The following TBC1D22A variants were observed in gnomAD, a reference collection of about 807,000 sequenced individuals.
TBC1D22A encodes the protein putative GTPase activator.
TBC1D22A carries 38 observed loss-of-function variants against 60.2 expected under a neutral mutation model. That is an observed-to-expected ratio of 0.63 (90% CI 0.49 to 0.83). TBC1D22A has a LOEUF of 0.83. Ranked by LOEUF, TBC1D22A falls within the 40% of genes least tolerant of loss-of-function variation. TBC1D22A has a pLI of 0.00. For missense variants in TBC1D22A, 628 were observed against 701.0 expected (o/e 0.90, Z 1.18); for synonymous variants, 302 against 281.7 (o/e 1.07, Z -0.72).
intron 5 of TBC1D22A, among the ~76,000 whole-genome samples, chr22:46,889,584 G>A (rs543825722): frequency 6.6e-6 from 1 of 152,250 alleles, no homozygotes; most frequent in African/African-American, 2.4e-5. Context: ...ACCCCAAACC[G>A]GAAACAACCG....
At chr22:47,014,444 C>A (rs146044088) in intron 10 of TBC1D22A, among the ~76,000 whole-genome samples, 1 of 152,152 alleles carries the variant, frequency 6.6e-6, no homozygotes. Flanking sequence ...CTGGACATGC[C>A]GTGAGTGTGC....
chr22:46,816,923 A>G (rs2085626460), intron 4 of TBC1D22A, among the ~76,000 whole-genome samples: 1 of 152,182 alleles, frequency 6.6e-6, no homozygotes, highest in South Asian at 2.1e-4. Context: ...TTCCCTAATT[A>G]TCAGATCTTA....
At chr22:46,905,725 T>C (rs1444993375) in intron 7 of TBC1D22A, among the ~76,000 whole-genome samples, 2 of 152,196 alleles carry the variant, frequency 1.3e-5, no homozygotes, top group African/African-American at 2.4e-5. Context: ...GTCCTGAACC[T>C]AGGGGCCAAG....
chr22:47,143,042 G>T (rs930690420), intron 12 of TBC1D22A, among the ~76,000 whole-genome samples: 2 of 151,966 alleles, frequency 1.3e-5, no homozygotes. Flanking sequence ...TGACTGCCTG[G>T]TGGAGACATT....
intron 4 of TBC1D22A, among the ~76,000 whole-genome samples, chr22:46,839,134 C>T (rs2086642952): frequency 6.6e-6 from 1 of 152,172 alleles, no homozygotes. Context: ...AACTAATATA[C>T]AAATTCAGTG....
intron 11 of TBC1D22A, among the ~76,000 whole-genome samples, chr22:47,088,049 G>T (rs2064771393): frequency 6.6e-6 from 1 of 150,888 alleles, no homozygotes; most frequent in African/African-American, 2.4e-5. Flanking sequence ...CTCCAGCCTG[G>T]GCAACAGAGC....
At chr22:46,857,770 G>A (rs891887794) in intron 4 of TBC1D22A, among the ~76,000 whole-genome samples, 5 of 151,840 alleles carry the variant, frequency 3.3e-5, no homozygotes, top group African/African-American at 7.3e-5. Context: ...CCGTTCCCTC[G>A]CATGGTGCTG....
intron 1 of TBC1D22A, among the ~76,000 whole-genome samples, chr22:46,769,787 A>G (rs929027788): frequency 1.3e-5 from 2 of 152,126 alleles, no homozygotes; most frequent in Non-Finnish European, 2.9e-5. Context: ...TCATCCTTGA[A>G]GAGAGGGCGA....
At chr22:46,834,166 G>A (rs2086422512) in intron 4 of TBC1D22A, among the ~76,000 whole-genome samples, 1 of 152,156 alleles carries the variant, frequency 6.6e-6, no homozygotes, top group Non-Finnish European at 1.5e-5. Flanking sequence ...AGACTGCTGG[G>A]TTGACTAAAA....
At chr22:47,159,693 A>T (rs747040223) in intron 12 of TBC1D22A, among the ~76,000 whole-genome samples, 2 of 151,892 alleles carry the variant, frequency 1.3e-5, no homozygotes, top group Non-Finnish European at 2.9e-5. Context: ...GCCATGCACC[A>T]CACACCACAT....
intron 4 of TBC1D22A, among the ~76,000 whole-genome samples, chr22:46,841,716 A>G (rs2086779102): frequency 6.6e-6 from 1 of 152,240 alleles, no homozygotes; most frequent in South Asian, 2.1e-4. Flanking sequence ...TGAGCCAGAG[A>G]GTATAAACTT....
At chr22:46,931,886 G>A (rs1340441896) in intron 8 of TBC1D22A, among the ~76,000 whole-genome samples, 3 of 152,168 alleles carry the variant, frequency 2.0e-5, no homozygotes, top group African/African-American at 7.2e-5. Context: ...AAATGTTAAT[G>A]GACTTTAAAA....
At chr22:47,162,510 G>T (rs2068027759) in intron 12 of TBC1D22A, among the ~76,000 whole-genome samples, 1 of 152,288 alleles carries the variant, frequency 6.6e-6, no homozygotes, top group South Asian at 2.1e-4. Context: ...CAGCTTCGAG[G>T]TTTTCTTTCT....
intron 9 of TBC1D22A, among the ~76,000 whole-genome samples, chr22:46,995,918 A>G (rs1464907695): frequency 1.3e-5 from 2 of 152,130 alleles, no homozygotes; most frequent in African/African-American, 2.4e-5. Flanking sequence ...TCCTGAGCCT[A>G]TGGAAAAGGA....
intron 1 of TBC1D22A, among the ~76,000 whole-genome samples, chr22:46,767,836 A>C (rs1452857964): frequency 1.3e-5 from 2 of 151,630 alleles, no homozygotes; most frequent in Admixed American, 6.6e-5. Flanking sequence ...TGAGGAGAGG[A>C]GCTGGGGCCA....
intron 4 of TBC1D22A, among the ~76,000 whole-genome samples, chr22:46,834,404 T>C (rs970374662): frequency 2.6e-5 from 4 of 152,110 alleles, no homozygotes; most frequent in African/African-American, 4.8e-5. Context: ...ATAGACACAC[T>C]GAAGAGGGTA....
chr22:46,931,717 A>G (rs2071362213), intron 8 of TBC1D22A, among the ~76,000 whole-genome samples: 1 of 152,136 alleles, frequency 6.6e-6, no homozygotes, highest in Non-Finnish European at 1.5e-5. Flanking sequence ...AGTTTCAGAA[A>G]TTTCATGGAC....
Position 46,938,505 on chromosome 22 carries a change from A to ATT in TBC1D22A, c.1015+26325_1015+26326dup, listed in dbSNP as rs59083403. Among the ~76,000 whole-genome samples the ATT allele has an allele frequency of 1.1e-3, 165 of 150,114 alleles. 1 individual carries two copies. The highest frequency in any genetic ancestry group is 3.5e-3 in the African/African-American group (143 of 40,844). ...GGCTGCATGATCACATCTTAATGGT[A>ATT]TTTTTTTTTATCTTTATCTGGAAAC... On this transcript the variant is annotated intron_variant, in intron 8 of 12. Transcript: ENST00000337137.
chr22:46,816,636 C>T (rs2085613136), intron 4 of TBC1D22A, among the ~76,000 whole-genome samples: 1 of 152,042 alleles, frequency 6.6e-6, no homozygotes, highest in African/African-American at 2.4e-5. Context: ...AAGTTAGCCA[C>T]GTGGTAGATG....
Sources: allele counts gnomAD v4.1 joint callset (sites outside exome capture counted in the v4.1 genomes callset), GRCh38; gene constraint gnomAD v4.1.1; transcripts MANE v1.5; gene names NCBI Gene and HGNC (gene_info 2026-07-23, HGNC 2026-07-21).